The following SORCS2 variants were observed in gnomAD, a reference collection of about 807,000 sequenced individuals.
SORCS2 encodes sortilin related VPS10 domain containing receptor 2, also known as VPS10 domain-containing receptor SorCS2.
In SORCS2, 100 loss-of-function variants were observed where a neutral mutation model predicts 141.6. The observed-to-expected ratio is 0.71, with a 90% CI of 0.60 to 0.83. The LOEUF (loss-of-function observed/expected upper bound fraction) is 0.83, where lower values mean the gene tolerates loss of function less well. Among genes scored for constraint, SORCS2 ranks in the 40% least tolerant of loss-of-function variants. The probability of loss-of-function intolerance (pLI) is 0.00; values close to 1 mark genes in which losing one functional copy is unlikely to be tolerated. For missense variants in SORCS2, 1,646 were observed against 1,560.2 expected, an observed-to-expected ratio of 1.05 and a Z score of -0.93; for synonymous variants, 789 against 676.9, an observed-to-expected ratio of 1.17 and a Z score of -2.57.
In SORCS2 at chr4:7,664,140, G is replaced by T. The variant is rs183426345; in HGVS notation, c.953-213G>T. Among the ~76,000 whole-genome samples, 1 of 152,130 alleles carries T rather than the reference G, an allele frequency of 6.6e-6. No individual in the cohort carries two copies. The highest frequency in any genetic ancestry group is 1.9e-4 in the East Asian group (1 of 5,178). On this transcript the variant is annotated intron_variant, in intron 6 of 26. Coordinates refer to ENST00000507866, the MANE Select transcript of SORCS2 (RefSeq NM_020777.3). The surrounding 1 kb of genome is among the most constrained non-coding windows in gnomAD (Gnocchi z 4.7). ...CAGAGTAGCACGAACACCTTCCTGA[G>T]GGTTGAAGGAGCTCGTGTCAGAGTG...
chr4:7,530,131 C>T (rs1364425952), intron 2 of SORCS2, among the ~76,000 whole-genome samples: 1 of 152,226 alleles, frequency 6.6e-6, no homozygotes, highest in Non-Finnish European at 1.5e-5. Context: ...GAGGAAACGT[C>T]TCCAAGTAGA....
At chr4:7,393,789 C>T (rs921825472) in intron 1 of SORCS2, among the ~76,000 whole-genome samples, 2 of 152,142 alleles carry the variant, frequency 1.3e-5, no homozygotes, top group Admixed American at 6.5e-5. Flanking sequence ...GGTCATTTCA[C>T]GTTTGCTACT....
Position 7,685,526 on chromosome 4 carries a change from C to T in SORCS2, c.1488+2637C>T, listed in dbSNP as rs972785238. Among the ~76,000 whole-genome samples the T allele has an allele frequency of 2.6e-5, 4 of 152,118 alleles. No homozygotes were observed. In the East Asian group the frequency reaches 7.7e-4, roughly 29 times the overall value. On this transcript the variant is annotated intron_variant, in intron 10 of 26. Coordinates refer to ENST00000507866, the MANE Select transcript of SORCS2 (RefSeq NM_020777.3). ...TCTCTACTAAAAATACAAAAATTAG[C>T]CAGGCATGGTGGCACATGCCTATAA...
At chr4:7,236,345 C>T (rs574650414) in intron 1 of SORCS2, among the ~76,000 whole-genome samples, 4 of 152,238 alleles carry the variant, frequency 2.6e-5, no homozygotes, top group South Asian at 2.1e-4. Flanking sequence ...GGCAGCAGAA[C>T]GGCCAGTGCA....
chr4:7,728,756 C>T (rs771497656), intron 22 of SORCS2, among the ~76,000 whole-genome samples: 85 of 152,352 alleles, frequency 5.6e-4, no homozygotes, highest in Non-Finnish European at 9.7e-4. Context: ...ACCCCACTGT[C>T]GTCCTCCAGT....
intron 1 of SORCS2, among the ~76,000 whole-genome samples, chr4:7,285,450 C>A (rs999389012): frequency 6.6e-6 from 1 of 152,252 alleles, no homozygotes; most frequent in Non-Finnish European, 1.5e-5. Context: ...GGCCACCATG[C>A]ACTCCCCCAC....
intron 1 of SORCS2, among the ~76,000 whole-genome samples, chr4:7,292,765 G>A (rs909308826): frequency 2.6e-5 from 4 of 152,194 alleles, no homozygotes; most frequent in South Asian, 2.1e-4. Context: ...TTTTGGAGAC[G>A]TTGCCATGAT....
chr4:7,601,409 TAGTG>T (rs1717656527), intron 3 of SORCS2, among the ~76,000 whole-genome samples: 2 of 152,022 alleles, frequency 1.3e-5, no homozygotes, highest in Non-Finnish European at 2.9e-5. Context: ...TTTCACTAGA[TAGTG>T]AGCTATTCAA....
chr4:7,568,191 T>G (rs1237518581), intron 3 of SORCS2, among the ~76,000 whole-genome samples: 1 of 152,154 alleles, frequency 6.6e-6, no homozygotes, highest in South Asian at 2.1e-4. Flanking sequence ...CTTTCTCAGC[T>G]CACAGTGCCC....
At chr4:7,558,810 C>T (rs1040822136) in intron 3 of SORCS2, among the ~76,000 whole-genome samples, 3 of 152,158 alleles carry the variant, frequency 2.0e-5, no homozygotes, top group East Asian at 1.9e-4. Context: ...TCCCTGGCCC[C>T]GCCTCACCCT....
intron 1 of SORCS2, among the ~76,000 whole-genome samples, chr4:7,264,551 G>A (rs1384389030): frequency 6.6e-6 from 1 of 152,206 alleles, no homozygotes; most frequent in African/African-American, 2.4e-5. Context: ...CCCTGGTCTG[G>A]GAAGGCTTCT....
intron 11 of SORCS2, among the ~76,000 whole-genome samples, chr4:7,693,774 C>T (rs1190022877): frequency 6.6e-6 from 1 of 152,252 alleles, no homozygotes; most frequent in East Asian, 1.9e-4. Context: ...GCAGGCCCAG[C>T]CCTCCCTAGC....
intron 18 of SORCS2, among the ~76,000 whole-genome samples, chr4:7,719,014 A>C (rs1432912924): frequency 2.0e-5 from 3 of 152,262 alleles, no homozygotes; most frequent in Non-Finnish European, 4.4e-5. Flanking sequence ...ATGACAGAAA[A>C]GGGCAAAAGA....
At chr4:7,348,564 A>AT (rs1259123393) in intron 1 of SORCS2, among the ~76,000 whole-genome samples, 1 of 152,040 alleles carries the variant, frequency 6.6e-6, no homozygotes, top group East Asian at 1.9e-4. Flanking sequence ...TGTTTTTTGT[A>AT]TTTTGAGATG....
intron 2 of SORCS2, among the ~76,000 whole-genome samples, chr4:7,418,584 A>G (rs947247097): frequency 6.6e-6 from 1 of 152,170 alleles, no homozygotes; most frequent in Non-Finnish European, 1.5e-5. Flanking sequence ...AAATAGTATC[A>G]TGTCTCAAAA....
intron 3 of SORCS2, among the ~76,000 whole-genome samples, chr4:7,637,713 G>GTGAA (rs1443315987): frequency 3.3e-5 from 5 of 151,006 alleles, no homozygotes; most frequent in East Asian, 3.9e-4. Flanking sequence ...GAATGAATGA[G>GTGAA]TGAATGAATG....
At chr4:7,695,920 A>G (rs371229893) in intron 11 of SORCS2, among the ~76,000 whole-genome samples, 14,292 of 75,416 alleles carry the variant, frequency 0.19, 966 homozygotes, top group East Asian at 0.39. Flanking sequence ...GGATGGATGG[A>G]TGGATTGGTG....
chr4:7,226,070 G>T (rs1728973649), intron 1 of SORCS2, among the ~76,000 whole-genome samples: 1 of 152,174 alleles, frequency 6.6e-6, no homozygotes, highest in Non-Finnish European at 1.5e-5. Context: ...GCTCCGGAGG[G>T]TCTGGACCCC....
At chr4:7,221,026 T>C (rs1435827274) in intron 1 of SORCS2, among the ~76,000 whole-genome samples, 1 of 152,236 alleles carries the variant, frequency 6.6e-6, no homozygotes, top group South Asian at 2.1e-4. Context: ...TGCTGTTTAA[T>C]AAATCATAAT....
Sources: gnomAD v4.1 joint callset for allele counts (sites outside exome capture counted in the v4.1 genomes callset) on GRCh38, gnomAD v4.1.1 for gene constraint, Gnocchi (gnomAD v3.1) non-coding constraint, MANE v1.5 for transcripts, NCBI Gene and HGNC (gene_info 2026-07-23, HGNC 2026-07-21) for gene names.